Variants in CSMD1 observed in about 807,000 individuals in gnomAD.
The protein encoded by CSMD1 is CUB and sushi domain-containing protein 1.
In CSMD1, 213 loss-of-function variants were observed where a neutral mutation model predicts 417.5. The observed-to-expected ratio is 0.51, with a 90% CI of 0.46 to 0.57. CSMD1 has a LOEUF of 0.57. Among genes scored for constraint, CSMD1 ranks in the 20% least tolerant of loss-of-function variants. The pLI, the probability that CSMD1 is intolerant of heterozygous loss-of-function variation, is 0.00. For missense variants in CSMD1, 6,923 were observed against 4,529.7 expected, an observed-to-expected ratio of 1.53 and a Z score of -15.17; for synonymous variants, 2,862 against 1,736.8, an observed-to-expected ratio of 1.65 and a Z score of -16.11.
intron 5 of CSMD1, among the ~76,000 whole-genome samples, chr8:3,861,899 C>T (rs1299816540): frequency 1.3e-5 from 2 of 152,168 alleles, no homozygotes; most frequent in African/African-American, 4.8e-5. Context: ...TAGCATCCAA[C>T]ATGCCTGCAT....
chr8:3,949,953 T>C (rs761370037), intron 5 of CSMD1: 8 of 455,896 alleles, frequency 1.8e-5, no homozygotes, highest in Non-Finnish European at 3.1e-5. Context: ...GAGAGGTTCA[T>C]GCCAGCAGAG....
chr8:3,138,834 G>C (rs536259799), intron 41 of CSMD1, among the ~76,000 whole-genome samples: 2 of 152,178 alleles, frequency 1.3e-5, no homozygotes, highest in African/African-American at 4.8e-5. Context: ...TATAGATGTT[G>C]AACGATTTCC....
intron 5 of CSMD1, among the ~76,000 whole-genome samples, chr8:3,954,039 C>T (rs1378098793): frequency 6.6e-6 from 1 of 152,140 alleles, no homozygotes; most frequent in East Asian, 1.9e-4. Context: ...GAGCGGGGCA[C>T]ATGCTTGGGA....
chr8:4,240,401 C>T (rs1475480767), intron 3 of CSMD1, among the ~76,000 whole-genome samples: 1 of 152,202 alleles, frequency 6.6e-6, no homozygotes, highest in Non-Finnish European at 1.5e-5. Flanking sequence ...AGTTGAGCAC[C>T]TTTGCCTGCT....
chr8:3,396,432 C>G, intron 16 of CSMD1, 51 bp from the exon 17 acceptor site: 1 of 1,319,732 alleles, frequency 7.6e-7, no homozygotes, highest in Non-Finnish European at 1.0e-6. Flanking sequence ...TGCCAGCTTA[C>G]AGACGTGCTC....
intron 4 of CSMD1, among the ~76,000 whole-genome samples, chr8:4,025,124 G>C (rs770302903): frequency 6.6e-6 from 1 of 152,254 alleles, no homozygotes; most frequent in Non-Finnish European, 1.5e-5. Flanking sequence ...GGGGCTGCAA[G>C]AGATGTTGAG....
At chr8:3,882,107 A>G (rs879319455) in intron 5 of CSMD1, among the ~76,000 whole-genome samples, 7 of 152,222 alleles carry the variant, frequency 4.6e-5, no homozygotes, top group East Asian at 1.9e-4. Context: ...TGGTCAAACC[A>G]TTAGCCAGAA....
At chr8:3,310,358 G>T in intron 23 of CSMD1, among the ~76,000 whole-genome samples, 1 of 152,252 alleles carries the variant, frequency 6.6e-6, no homozygotes, top group East Asian at 1.9e-4. Context: ...TTGCGGGTTT[G>T]GAAGTGACAG....
chr8:3,932,063 A>G (rs1455126644), intron 5 of CSMD1, among the ~76,000 whole-genome samples: 2 of 150,506 alleles, frequency 1.3e-5, no homozygotes, highest in Non-Finnish European at 3.0e-5. Context: ...GTAGGATTCA[A>G]TATAAACATA....
At chr8:3,171,931 G>C (rs1315284242) in intron 37 of CSMD1, among the ~76,000 whole-genome samples, 3 of 152,118 alleles carry the variant, frequency 2.0e-5, no homozygotes, top group Non-Finnish European at 2.9e-5. Context: ...AACCCACTGT[G>C]ACTCAACAGT....
intron 1 of CSMD1, among the ~76,000 whole-genome samples, chr8:4,735,751 G>C (rs371280487): frequency 3.9e-5 from 6 of 152,200 alleles, no homozygotes; most frequent in African/African-American, 7.2e-5. Flanking sequence ...AGGACTGTTA[G>C]TCTTCCTAGT....
At chr8:3,276,526 A>G (rs536591700) in intron 26 of CSMD1, among the ~76,000 whole-genome samples, 32 of 152,328 alleles carry the variant, frequency 2.1e-4, no homozygotes, top group Admixed American at 6.5e-4. Context: ...CACTATCATG[A>G]GAACAGCAGA....
intron 11 of CSMD1, among the ~76,000 whole-genome samples, chr8:3,473,529 G>C (rs771691960): frequency 2.0e-5 from 3 of 152,100 alleles, no homozygotes. Context: ...CTAACACTGA[G>C]ATATTATTTC....
chr8:3,906,991 G>A (rs74685139), intron 5 of CSMD1, among the ~76,000 whole-genome samples: 2 of 152,118 alleles, frequency 1.3e-5, no homozygotes, highest in Non-Finnish European at 2.9e-5. Flanking sequence ...CAAACATGTT[G>A]TAAGAAGGTC....
At chr8:3,524,652 C>A (rs1036508555) in intron 10 of CSMD1, among the ~76,000 whole-genome samples, 14 of 151,028 alleles carry the variant, frequency 9.3e-5, no homozygotes, top group African/African-American at 3.4e-4. Flanking sequence ...TGTGCACACA[C>A]ACAGACCCAT....
chr8:4,834,818 G>T (rs1199449666), intron 1 of CSMD1, among the ~76,000 whole-genome samples: 2 of 151,398 alleles, frequency 1.3e-5, no homozygotes, highest in African/African-American at 2.4e-5. Context: ...TTAGCCGGGC[G>T]TGGTGGTGGG....
intron 3 of CSMD1, among the ~76,000 whole-genome samples, chr8:4,217,719 C>T (rs1179684966): frequency 6.6e-6 from 1 of 151,772 alleles, no homozygotes; most frequent in African/African-American, 2.4e-5. Flanking sequence ...GGAAATACAA[C>T]TGTATGACTT....
intron 17 of CSMD1, among the ~76,000 whole-genome samples, chr8:3,391,387 A>T (rs75363652): frequency 0.021 from 3,226 of 152,314 alleles, 234 homozygotes; most frequent in East Asian, 0.19. Context: ...AAACCTTCAT[A>T]CCCTTGAGAA....
chr8:3,461,456 T>G (rs1319123568), intron 12 of CSMD1, among the ~76,000 whole-genome samples: 1 of 152,138 alleles, frequency 6.6e-6, no homozygotes, highest in Non-Finnish European at 1.5e-5. Context: ...GGCCAGGAAC[T>G]GAGGAGGGGA....
Sources: allele counts gnomAD v4.1 joint callset (sites outside exome capture counted in the v4.1 genomes callset), GRCh38; gene constraint gnomAD v4.1.1; transcripts MANE v1.5; gene names NCBI Gene and HGNC (gene_info 2026-07-23, HGNC 2026-07-21).